RADIL: variants seen among roughly 807,000 people sequenced by gnomAD.
RADIL encodes ras-associating and dilute domain-containing protein.
A neutral mutation model predicts 97.6 loss-of-function variants in RADIL; 99 were observed. The ratio of observed to expected loss-of-function variants is 1.01; its 90% CI spans 0.86 to 1.20. RADIL has a LOEUF of 1.20. Among genes scored for constraint, RADIL ranks in the 50% most tolerant of loss-of-function variants. RADIL has a pLI of 0.00. For synonymous variants in RADIL, 803 were observed against 691.8 expected (o/e 1.16, Z -2.52); for missense variants, 1,765 against 1,498.9 (o/e 1.18, Z -2.93).
At chr7:4,859,638 A>G in intron 2 of RADIL, 1 of 436,578 alleles carries the variant, frequency 2.3e-6, no homozygotes, top group Admixed American at 3.9e-5. Flanking sequence ...GTTGGCAGAT[A>G]TTGTTCATGG....
At chr7:4,820,919 T>G (rs1407153775) in intron 6 of RADIL, among the ~76,000 whole-genome samples, 1 of 152,100 alleles carries the variant, frequency 6.6e-6, no homozygotes, top group African/African-American at 2.4e-5. Context: ...AACCTGCCCC[T>G]AAGGCATGGG....
intron 2 of RADIL, among the ~76,000 whole-genome samples, chr7:4,846,378 C>T (rs1583303217): frequency 6.6e-6 from 1 of 152,124 alleles, no homozygotes; most frequent in South Asian, 2.1e-4. Context: ...ATCTCCTGAC[C>T]TCGTGAGCCA....
chr7:4,869,450 C>G (rs769182280), intron 2 of RADIL, among the ~76,000 whole-genome samples: 6 of 152,156 alleles, frequency 3.9e-5, no homozygotes, highest in Admixed American at 1.3e-4. Context: ...ACTTTTTAAG[C>G]CTTCTTTATG....
At chr7:4,852,744 T>C (rs1783739520) in intron 2 of RADIL, among the ~76,000 whole-genome samples, 2 of 152,208 alleles carry the variant, frequency 1.3e-5, no homozygotes, top group African/African-American at 2.4e-5. Flanking sequence ...GGTTTCACCA[T>C]ATTGGCCAGG....
At chr7:4,847,143 A>C (rs1434654213) in intron 2 of RADIL, among the ~76,000 whole-genome samples, 1 of 152,034 alleles carries the variant, frequency 6.6e-6, no homozygotes, top group Non-Finnish European at 1.5e-5. Context: ...CAAGATGGTA[A>C]AACCCCGTCT....
rs111323770 is a variant in RADIL, at chr7:4,842,646, C to T, written c.536-6041G>A. ...TGCTCAATTCCTCTATAAACTCAGC[C>T]GGCAGCTTTCGCCTCCTGATCCTGT... On this transcript the variant is annotated intron_variant, in intron 2 of 14. Transcript: ENST00000399583. The surrounding 1 kb of genome is among the most constrained non-coding windows in gnomAD (Gnocchi z 4.5). 1.1e-3 allele frequency among the ~76,000 whole-genome samples: 169 copies of T among 152,250 alleles called. 3 individuals carry two copies. Among genetic ancestry groups the T allele is most frequent in the Non-Finnish European group, 1.1e-3 (72 of 68,014 alleles).
At position 4,878,280 on chromosome 7, in the gene RADIL, C is replaced by T; in HGVS notation, c.-64-77G>A. The T allele has an allele frequency of 1.0e-6, 1 of 962,928 alleles. No homozygotes were observed. The highest frequency in any genetic ancestry group is 1.5e-6 in the Non-Finnish European group (1 of 674,276). 59.6% of individuals were successfully genotyped at this position (962,928 alleles called of 1,614,324 possible). The stretch of plus-strand genomic sequence containing the variant: ...CAAATGAGGCCACAGGCGGTGACTC[C>T]TGCCCGTCATCCCAGCGCTTTAGAA... On this transcript the variant is annotated intron_variant, in intron 1 of 14. Coordinates refer to ENST00000399583, the MANE Select transcript of RADIL (RefSeq NM_018059.5). The surrounding 1 kb of genome is among the most constrained non-coding windows in gnomAD (Gnocchi z 4.1).
At position 4,816,370 on chromosome 7, in the gene RADIL, C is replaced by T; in HGVS notation, c.1824G>A (p.Glu608=). 6.2e-7 allele frequency: 1 copy of T among 1,610,842 alleles called. No homozygotes were observed. The highest frequency in any genetic ancestry group is 2.2e-5 in the East Asian group (1 of 44,804). The change falls in exon 8 of 15, where the codon GAG becomes GAA. Residue 608 remains glutamate, a synonymous_variant. Coordinates refer to ENST00000399583, the MANE Select transcript of RADIL (RefSeq NM_018059.5). ...SWSSAPELPE[E]LRRVVSVYQA... ...GGTACACAGACACCACGCGGCGCAG[C>T]TCCTCGGGCAGTTCGGGGGCCGAGG...
rs1047828220 is a variant in RADIL, at chr7:4,865,936, T to C, written c.535+11669A>G. On this transcript the variant is annotated intron_variant, in intron 2 of 14. Coordinates refer to ENST00000399583, the MANE Select transcript of RADIL (RefSeq NM_018059.5). Reference sequence around the variant, plus strand: ...TATACAGAAATATACTGTAGAGGTATGTAACCTAGGAGCAATAGGCTATGC... The same window carrying C: ...TATACAGAAATATACTGTAGAGGTACGTAACCTAGGAGCAATAGGCTATGC... 3 of 585,986 alleles carry C rather than the reference T, an allele frequency of 5.1e-6. No homozygotes were observed. The African/African-American group carries it at 5.6e-5, about 11-fold the overall frequency. 36.3% of individuals were successfully genotyped at this position (585,986 alleles called of 1,614,324 possible). A position where few individuals can be genotyped will look rare whatever the true frequency, so the allele number is the denominator to read the frequency against.
At chr7:4,852,692 G>C (rs1233997653) in intron 2 of RADIL, among the ~76,000 whole-genome samples, 3 of 152,130 alleles carry the variant, frequency 2.0e-5, no homozygotes, top group Non-Finnish European at 2.9e-5. Context: ...ACAGGCATGT[G>C]CCACCACACC....
At chr7:4,861,652 G>A (rs368004972) in intron 2 of RADIL, 1 of 1,605,144 alleles carries the variant, frequency 6.2e-7, no homozygotes, top group East Asian at 2.2e-5. Context: ...CTTCCTCTTC[G>A]AAGACCCCGA....
At chr7:4,875,191 CCAA>C (rs145735931) in intron 2 of RADIL, among the ~76,000 whole-genome samples, 58,028 of 109,780 alleles carry the variant, frequency 0.53, 16,353 homozygotes, top group Non-Finnish European at 0.59. Flanking sequence ...GACTCCATCT[CCAA>C]CAACAACAAC....
chr7:4,863,959 C>G (rs1784078949), intron 2 of RADIL, among the ~76,000 whole-genome samples: 1 of 152,200 alleles, frequency 6.6e-6, no homozygotes, highest in Non-Finnish European at 1.5e-5. Context: ...TCTTCCAGCC[C>G]TAGAGACTTC....
At chr7:4,816,572 C>G in intron 7 of RADIL, 107 bp from the exon 8 acceptor site, 6 of 884,856 alleles carry the variant, frequency 6.8e-6, no homozygotes, top group Non-Finnish European at 1.1e-5. Flanking sequence ...CTTGCAGGGA[C>G]CCGGCCTCGG....
At position 4,827,876 on chromosome 7, in the gene RADIL, A is replaced by ATT. The variant is rs1429357692; in HGVS notation, c.1454+4264_1454+4265insAA. Among the ~76,000 whole-genome samples the ATT allele has an allele frequency of 2.0e-5, 3 of 152,056 alleles. No individual in the cohort carries two copies. The East Asian group carries it at 5.8e-4, about 29-fold the overall frequency. On this transcript the variant is annotated intron_variant, in intron 5 of 14. Coordinates refer to ENST00000399583, the MANE Select transcript of RADIL (RefSeq NM_018059.5). ...CATGTTCTGTGAACCTTGTTACTAA[A>ATT]ATCAGACAAGGACAGTGCAAAACAA...
At chr7:4,846,545 CTTT>C (rs367898251) in intron 2 of RADIL, among the ~76,000 whole-genome samples, 12 of 125,406 alleles carry the variant, frequency 9.6e-5, no homozygotes, top group Admixed American at 3.2e-4. Context: ...CTGCATCTGT[CTTT>C]TTTTTTTTTT....
chr7:4,810,598 G>A (rs759794794), intron 9 of RADIL, among the ~76,000 whole-genome samples: 1 of 152,196 alleles, frequency 6.6e-6, no homozygotes, highest in Non-Finnish European at 1.5e-5. Context: ...TACGAGTGGC[G>A]CCACTGGAAG....
At chr7:4,852,257 G>GGT (rs1431970954) in intron 2 of RADIL, among the ~76,000 whole-genome samples, 1 of 152,160 alleles carries the variant, frequency 6.6e-6, no homozygotes, top group Non-Finnish European at 1.5e-5. Flanking sequence ...TCCATGCAGA[G>GGT]GGAAAGATGA....
At chr7:4,881,467 C>T (rs1376532277) in intron 1 of RADIL, among the ~76,000 whole-genome samples, 1 of 138,112 alleles carries the variant, frequency 7.2e-6, no homozygotes, top group Non-Finnish European at 1.6e-5. Flanking sequence ...TGGTTCATGC[C>T]TGTAATCCCA....
Sources: allele counts gnomAD v4.1 joint callset (sites outside exome capture counted in the v4.1 genomes callset), GRCh38; gene constraint gnomAD v4.1.1; non-coding constraint Gnocchi (gnomAD v3.1); transcripts MANE v1.5; gene names NCBI Gene and HGNC (gene_info 2026-07-23, HGNC 2026-07-21).